Variants in UGT1A3 observed in about 807,000 individuals in gnomAD.
UGT1A3 encodes UDP glucuronosyltransferase family 1 member A3, also known as UDP-glucuronosyltransferase 1A3.
In UGT1A3, 31 loss-of-function variants were observed where a neutral mutation model predicts 41.0. That is an observed-to-expected ratio of 0.76 (90% CI 0.57 to 1.02). UGT1A3 has a LOEUF of 1.02. Ranked by LOEUF, UGT1A3 falls within the 50% of genes least tolerant of loss-of-function variation. The probability of loss-of-function intolerance (pLI) is 0.00; values close to 1 mark genes in which losing one functional copy is unlikely to be tolerated. For missense variants in UGT1A3, 737 were observed against 671.0 expected (o/e 1.10, Z -1.09); for synonymous variants, 262 against 257.6 (o/e 1.02, Z -0.17).
intron 1 of UGT1A3, among the ~76,000 whole-genome samples, chr2:233,731,288 T>TC (rs1363892538): frequency 6.6e-6 from 1 of 151,914 alleles, no homozygotes; most frequent in Non-Finnish European, 1.5e-5. Context: ...TTCTTTCTTT[T>TC]TTTTTTTTTT....
intron 1 of UGT1A3, chr2:233,756,147 T>C (rs1696132697): frequency 6.6e-6 from 1 of 152,212 alleles, no homozygotes; most frequent in Admixed American, 6.5e-5. Flanking sequence ...TTACTGGGGA[T>C]CCCTAGGATT....
At chr2:233,742,942 C>G (rs1321055603) in intron 1 of UGT1A3, 1 of 213,758 alleles carries the variant, frequency 4.7e-6, no homozygotes, top group South Asian at 7.7e-5. Context: ...TGTCCTACCA[C>G]TAGCAAATAA....
At chr2:233,767,000 A>C (rs750045241) in intron 1 of UGT1A3, 34 bp from the exon 2 acceptor site, 2 of 1,613,618 alleles carry the variant, frequency 1.2e-6, no homozygotes, top group Non-Finnish European at 1.7e-6. Flanking sequence ...GAATATGAGA[A>C]AAAATTAACT....
At chr2:233,736,684 C>G (rs2078792768) in intron 1 of UGT1A3, among the ~76,000 whole-genome samples, 1 of 152,148 alleles carries the variant, frequency 6.6e-6, no homozygotes, top group Non-Finnish European at 1.5e-5. Flanking sequence ...ATGTTGGTGA[C>G]CTACAGATGG....
At position 233,769,030 on chromosome 2, in the gene UGT1A3, A is replaced by G. The variant is rs1369352074; in HGVS notation, c.1307+591A>G. 1.3e-5 allele frequency among the ~76,000 whole-genome samples: 2 copies of G among 152,206 alleles called. No homozygotes were observed. Among genetic ancestry groups the G allele is most frequent in the African/African-American group, 4.8e-5 (2 of 41,454 alleles). On this transcript the variant is annotated intron_variant, in intron 4 of 4. Transcript: ENST00000482026. The surrounding 1 kb of genome is among the most constrained non-coding windows in gnomAD (Gnocchi z 4.4). ...CCAATTTACATAAAAAGTTGCCATAATAGACATCTGATCCATAAGTTTCCT... is the reference window on the plus strand; with the variant it reads ...CCAATTTACATAAAAAGTTGCCATAGTAGACATCTGATCCATAAGTTTCCT...
rs760907397 is a variant in UGT1A3 at position 233,761,080 on chromosome 2, C to G, written c.868-5954C>G. 1.2e-6 allele frequency: 2 copies of G among 1,614,034 alleles called. No individual in the cohort carries two copies. The highest frequency in any genetic ancestry group is 1.7e-6 in the Non-Finnish European group (2 of 1,180,026). On this transcript the variant is annotated intron_variant, in intron 1 of 4. Coordinates refer to ENST00000482026, the MANE Select transcript of UGT1A3 (RefSeq NM_019093.4). Reference sequence around the variant, plus strand: ...TAGAAGTGACTTTGTGAAGGATTACCCTAGGCCCATCATGCCCAATATGGT... The same window carrying G: ...TAGAAGTGACTTTGTGAAGGATTACGCTAGGCCCATCATGCCCAATATGGT...
intron 4 of UGT1A3, among the ~76,000 whole-genome samples, chr2:233,771,924 G>A (rs1363047939): frequency 1.3e-5 from 2 of 151,928 alleles, no homozygotes; most frequent in Non-Finnish European, 2.9e-5. Context: ...AACACAGCCT[G>A]GGCAACACAA....
chr2:233,759,453 T>C (rs1697142782), intron 1 of UGT1A3, among the ~76,000 whole-genome samples: 1 of 152,190 alleles, frequency 6.6e-6, no homozygotes, highest in Non-Finnish European at 1.5e-5. Context: ...CAGGCCCAGT[T>C]AGCCACTCAA....
rs200729912 is a variant in UGT1A3 at position 233,749,181 on chromosome 2, T to A, written c.868-17853T>A. Among the ~76,000 whole-genome samples, 4 of 151,898 alleles carry A rather than the reference T, an allele frequency of 2.6e-5. No homozygotes were observed. The East Asian group carries it at 7.7e-4, about 29-fold the overall frequency. On this transcript the variant is annotated intron_variant, in intron 1 of 4. Transcript: ENST00000482026. The stretch of plus-strand genomic sequence containing the variant: ...CCTTTTGTATTTTTATTTCTGTACT[T>A]CTTTTTATTAACATAGGTATTATTG...
At chr2:233,761,982 G>T (rs1310969194) in intron 1 of UGT1A3, among the ~76,000 whole-genome samples, 1 of 152,142 alleles carries the variant, frequency 6.6e-6, no homozygotes, top group Non-Finnish European at 1.5e-5. Context: ...ACCTTCGGAG[G>T]TGACCTTATT....
chr2:233,767,704 T>A, intron 2 of UGT1A3, 145 bp from the exon 3 acceptor site: 1 of 1,518,956 alleles, frequency 6.6e-7, no homozygotes, highest in East Asian at 2.4e-5. Context: ...TTGCCAGTCC[T>A]CAGAAGCCTT....
At position 233,729,346 on chromosome 2, in the gene UGT1A3, T is replaced by G. The variant is rs1339922469; in HGVS notation, c.220T>G (p.Phe74Val). 2 of 1,614,150 alleles carry G rather than the reference T, an allele frequency of 1.2e-6. No homozygotes were observed. The highest frequency in any genetic ancestry group is 1.1e-5 in the South Asian group (1 of 91,066). The change falls in exon 1 of 5, where the codon TTT becomes GTT. Residue 74 changes from phenylalanine (F) to valine (V), a missense_variant. Transcript: ENST00000482026. Reference sequence around the variant, plus strand: ...GAATATGCACATCAAAGAAGAGAACTTTTTCACCCTGACAACCTATGCCAT... The same window carrying G: ...GAATATGCACATCAAAGAAGAGAACGTTTTCACCCTGACAACCTATGCCAT... The part of the protein sequence containing the change: ...EVNMHIKEEN[F>V]FTLTTYAISW...
At chr2:233,771,806 T>C (rs1391342428) in intron 4 of UGT1A3, among the ~76,000 whole-genome samples, 2 of 140,682 alleles carry the variant, frequency 1.4e-5, no homozygotes, top group South Asian at 5.4e-4. Flanking sequence ...CTCCCTCCCT[T>C]CCTCCTTTCC....
In UGT1A3 at chr2:233,729,683, A is replaced by G. The variant is rs997425766; in HGVS notation, c.557A>G (p.Gln186Arg). The G allele has an allele frequency of 5.0e-6, 8 of 1,613,836 alleles. No individual in the cohort carries two copies. The highest frequency in any genetic ancestry group is 1.3e-5 in the African/African-American group (1 of 74,906). The change falls in exon 1 of 5, where the codon CAG becomes CGG. Residue 186 changes from glutamine to arginine, a missense_variant. Coordinates refer to ENST00000482026, the MANE Select transcript of UGT1A3 (RefSeq NM_019093.4). ...IPCDLDFKGTQCPNPSSYIPR... is the reference protein window; with the variant it reads ...IPCDLDFKGTRCPNPSSYIPR... ...TGTGATTTAGACTTTAAGGGCACAC[A>G]GTGTCCAAACCCTTCCTCCTATATT...
At chr2:233,744,688 T>C (rs1692891145) in intron 1 of UGT1A3, among the ~76,000 whole-genome samples, 1 of 151,894 alleles carries the variant, frequency 6.6e-6, no homozygotes, top group Admixed American at 6.5e-5. Flanking sequence ...ATGTAGCTTC[T>C]GGAAAACTCC....
chr2:233,767,749 G>A (rs1699471404), intron 2 of UGT1A3, 100 bp from the exon 3 acceptor site: 1 of 1,594,036 alleles, frequency 6.3e-7, no homozygotes, highest in African/African-American at 1.3e-5. Context: ...GTTAAAGACT[G>A]TTCCTTCAGA....
rs552495015 is a variant in UGT1A3 at position 233,755,020 on chromosome 2, T to C, written c.868-12014T>C. On this transcript the variant is annotated intron_variant, in intron 1 of 4. Transcript: ENST00000482026. Reference sequence around the variant, plus strand: ...CTGAAGACCTACTCGAAGGGGTCCTTGAAGGGCCTGCCGCCTGCGCAGCCG... The same window carrying C: ...CTGAAGACCTACTCGAAGGGGTCCTCGAAGGGCCTGCCGCCTGCGCAGCCG... 4.2e-4 allele frequency: 552 copies of C among 1,304,914 alleles called. 2 individuals carry two copies. In the African/African-American group the frequency reaches 6.3e-3, roughly 15 times the overall value. 80.8% of individuals were successfully genotyped at this position (1,304,914 alleles called of 1,614,324 possible). A position where few individuals can be genotyped will look rare whatever the true frequency, so the allele number is the denominator to read the frequency against.
At chr2:233,752,348 A>G (rs1694949264) in intron 1 of UGT1A3, 1 of 152,154 alleles carries the variant, frequency 6.6e-6, no homozygotes, top group South Asian at 2.1e-4. Context: ...CATGGAGGAA[A>G]TTCATTTTAG....
intron 1 of UGT1A3, among the ~76,000 whole-genome samples, chr2:233,763,508 A>G (rs1374305000): frequency 6.6e-6 from 1 of 152,166 alleles, no homozygotes; most frequent in Non-Finnish European, 1.5e-5. Context: ...CTTTATGTTT[A>G]GTTGACTTTG....
Sources: gnomAD v4.1 joint callset for allele counts (sites outside exome capture counted in the v4.1 genomes callset) on GRCh38, gnomAD v4.1.1 for gene constraint, Gnocchi (gnomAD v3.1) non-coding constraint, MANE v1.5 for transcripts, NCBI Gene and HGNC (gene_info 2026-07-23, HGNC 2026-07-21) for gene names.